The following SGCZ variants were observed in gnomAD, a reference collection of about 807,000 sequenced individuals.
SGCZ encodes zeta-sarcoglycan.
A neutral mutation model predicts 41.3 loss-of-function variants in SGCZ; 40 were observed. The observed-to-expected ratio is 0.97, with a 90% CI of 0.75 to 1.26. The LOEUF is 1.26. Among genes scored for constraint, SGCZ ranks in the 50% most tolerant of loss-of-function variants. The pLI, the probability that SGCZ is intolerant of heterozygous loss-of-function variation, is 0.00. For missense variants in SGCZ, 552 were observed against 369.8 expected, an observed-to-expected ratio of 1.49 and a Z score of -4.04; for synonymous variants, 206 against 137.5, an observed-to-expected ratio of 1.50 and a Z score of -3.49.
At chr8:14,181,810 T>C (rs946579688) in intron 4 of SGCZ, among the ~76,000 whole-genome samples, 1 of 152,212 alleles carries the variant, frequency 6.6e-6, no homozygotes, top group African/African-American at 2.4e-5. Context: ...CTTCCCTTTA[T>C]AAATTACTCA....
chr8:14,207,905 G>C (rs375911011), intron 4 of SGCZ, among the ~76,000 whole-genome samples: 1 of 152,208 alleles, frequency 6.6e-6, no homozygotes, highest in Non-Finnish European at 1.5e-5. Flanking sequence ...GTGCAAACTG[G>C]CTGGTGGTTG....
chr8:14,865,759 T>G (rs1214097528), intron 1 of SGCZ, among the ~76,000 whole-genome samples: 1 of 152,126 alleles, frequency 6.6e-6, no homozygotes, highest in Non-Finnish European at 1.5e-5. Context: ...AACCTTAGCC[T>G]CTTTCTTTTT....
intron 1 of SGCZ, among the ~76,000 whole-genome samples, chr8:14,889,034 C>T (rs990321439): frequency 6.6e-6 from 1 of 152,110 alleles, no homozygotes; most frequent in African/African-American, 2.4e-5. Context: ...TTTTGTTTCT[C>T]CAATTCCTTT....
intron 1 of SGCZ, among the ~76,000 whole-genome samples, chr8:15,151,960 G>A (rs1288131498): frequency 1.3e-5 from 2 of 152,156 alleles, no homozygotes; most frequent in Non-Finnish European, 2.9e-5. Context: ...AAAAGCCAAC[G>A]ACCTGACGTG....
At chr8:15,196,102 T>C (rs1248450649) in intron 1 of SGCZ, among the ~76,000 whole-genome samples, 2 of 135,452 alleles carry the variant, frequency 1.5e-5, no homozygotes, top group Non-Finnish European at 3.3e-5. Context: ...TTTCACCTTG[T>C]TAGCCAGGAT....
At chr8:15,088,659 T>G (rs4831677) in intron 1 of SGCZ, among the ~76,000 whole-genome samples, 136,783 of 152,068 alleles carry the variant, frequency 0.9, 61,538 homozygotes, top group Admixed American at 0.94. Context: ...ATGAGAAAAC[T>G]GTTGTCCCTT....
chr8:14,341,795 C>T (rs1802717877), intron 2 of SGCZ, among the ~76,000 whole-genome samples: 1 of 152,156 alleles, frequency 6.6e-6, no homozygotes, highest in Non-Finnish European at 1.5e-5. Context: ...CCTCATTTTT[C>T]TCTTGCCACC....
At chr8:14,168,700 C>T (rs905611390) in intron 4 of SGCZ, among the ~76,000 whole-genome samples, 2 of 152,198 alleles carry the variant, frequency 1.3e-5, no homozygotes, top group Non-Finnish European at 2.9e-5. Flanking sequence ...AGTGTGAAAA[C>T]GGACTAATAC....
At chr8:14,197,685 A>G (rs1227278209) in intron 4 of SGCZ, among the ~76,000 whole-genome samples, 1 of 152,126 alleles carries the variant, frequency 6.6e-6, no homozygotes, top group East Asian at 1.9e-4. Flanking sequence ...GCATTTACAG[A>G]AATCCTAAAT....
At chr8:14,291,501 C>T (rs983834586) in intron 3 of SGCZ, among the ~76,000 whole-genome samples, 3 of 151,946 alleles carry the variant, frequency 2.0e-5, no homozygotes, top group Non-Finnish European at 4.4e-5. Flanking sequence ...TGGTACCATA[C>T]TCTTGAACAC....
At chr8:14,335,120 G>A (rs931557022) in intron 2 of SGCZ, among the ~76,000 whole-genome samples, 3 of 152,092 alleles carry the variant, frequency 2.0e-5, no homozygotes, top group South Asian at 2.1e-4. Flanking sequence ...GTTTTCTGAC[G>A]CTGGGTTGCT....
At chr8:14,251,808 C>G (rs948181787) in intron 3 of SGCZ, among the ~76,000 whole-genome samples, 3 of 152,050 alleles carry the variant, frequency 2.0e-5, no homozygotes, top group South Asian at 4.2e-4. Context: ...CTTTGCCTCC[C>G]GGGTTCAAGT....
intron 1 of SGCZ, among the ~76,000 whole-genome samples, chr8:14,955,507 G>T (rs1157631863): frequency 6.6e-6 from 1 of 152,198 alleles, no homozygotes; most frequent in Non-Finnish European, 1.5e-5. Flanking sequence ...GTTTTCCAAA[G>T]TGACAGTGCA....
intron 2 of SGCZ, among the ~76,000 whole-genome samples, chr8:14,486,134 C>T (rs947716202): frequency 6.6e-6 from 1 of 151,988 alleles, no homozygotes; most frequent in African/African-American, 2.4e-5. Context: ...CTCGTTTTTC[C>T]CCCTCAAAGT....
chr8:14,860,285 T>C (rs1803677716), intron 1 of SGCZ, among the ~76,000 whole-genome samples: 1 of 152,046 alleles, frequency 6.6e-6, no homozygotes, highest in South Asian at 2.1e-4. Context: ...GCCTTTAAAT[T>C]CACTCCCAAG....
At chr8:14,958,755 T>A (rs1044128353) in intron 1 of SGCZ, among the ~76,000 whole-genome samples, 2 of 152,088 alleles carry the variant, frequency 1.3e-5, no homozygotes, top group Admixed American at 6.6e-5. Context: ...TTGAACTCTA[T>A]GATGTTGCAT....
At chr8:14,221,011 GA>G (rs35159600) in intron 4 of SGCZ, among the ~76,000 whole-genome samples, 4 of 150,094 alleles carry the variant, frequency 2.7e-5, no homozygotes, top group Non-Finnish European at 5.9e-5. Context: ...GCCTAATATA[GA>G]AAAAAAAAAT....
At chr8:14,610,605 C>G (rs1805896258) in intron 1 of SGCZ, among the ~76,000 whole-genome samples, 1 of 152,082 alleles carries the variant, frequency 6.6e-6, no homozygotes, top group Admixed American at 6.5e-5. Context: ...TTCTCAGAGT[C>G]AGCTTGCACA....
At chr8:14,510,572 C>G (rs1389731464) in intron 2 of SGCZ, among the ~76,000 whole-genome samples, 1 of 152,126 alleles carries the variant, frequency 6.6e-6, no homozygotes, top group Non-Finnish European at 1.5e-5. Flanking sequence ...CTCTAGCCCA[C>G]CTTTGCTTCC....
Sources: gnomAD v4.1 joint callset for allele counts (sites outside exome capture counted in the v4.1 genomes callset) on GRCh38, gnomAD v4.1.1 for gene constraint, MANE v1.5 for transcripts, NCBI Gene and HGNC (gene_info 2026-07-23, HGNC 2026-07-21) for gene names.